Variants in CACUL1 observed in about 807,000 individuals in gnomAD.
CACUL1 encodes CDK2-associated and cullin domain-containing protein 1.
In CACUL1, 13 loss-of-function variants were observed where a neutral mutation model predicts 45.2. The observed-to-expected ratio is 0.29, with a 90% CI of 0.19 to 0.46. CACUL1 has a LOEUF of 0.46. Among genes scored for constraint, CACUL1 ranks in the 20% least tolerant of loss-of-function variants. The pLI, the probability that CACUL1 is intolerant of heterozygous loss-of-function variation, is 1.00. For synonymous variants in CACUL1, 197 were observed against 174.2 expected, an observed-to-expected ratio of 1.13 and a Z score of -1.03; for missense variants, 421 against 471.4, an observed-to-expected ratio of 0.89 and a Z score of 0.99.
intron 3 of CACUL1, among the ~76,000 whole-genome samples, chr10:118,722,080 C>CTTTTTTTTTTT (rs11358147): frequency 2.1e-5 from 3 of 140,518 alleles, no homozygotes; most frequent in Non-Finnish European, 1.5e-5. Context: ...CAGAAACAAA[C>CTTTTTTTTTTT]TTTTTTTTTT....
At chr10:118,732,682 T>C (rs1370388828) in intron 1 of CACUL1, among the ~76,000 whole-genome samples, 3 of 152,058 alleles carry the variant, frequency 2.0e-5, no homozygotes, top group Admixed American at 6.6e-5. Context: ...GGTACTAAGC[T>C]CCAGCTGCCT....
intron 4 of CACUL1, among the ~76,000 whole-genome samples, chr10:118,704,855 C>A (rs562183233): frequency 1.3e-5 from 2 of 152,340 alleles, no homozygotes; most frequent in African/African-American, 4.8e-5. Flanking sequence ...ATGTTCAGCA[C>A]ATCCTCATTC....
At chr10:118,737,689 TAAA>T (rs60182117) in intron 1 of CACUL1, among the ~76,000 whole-genome samples, 8 of 141,374 alleles carry the variant, frequency 5.7e-5, no homozygotes, top group Non-Finnish European at 9.2e-5. Flanking sequence ...ACTACTATCT[TAAA>T]AAAAAAAAAA....
At chr10:118,736,797 G>A (rs572935428) in intron 1 of CACUL1, among the ~76,000 whole-genome samples, 2 of 152,010 alleles carry the variant, frequency 1.3e-5, no homozygotes, top group African/African-American at 2.4e-5. Flanking sequence ...CCCTATACAC[G>A]CATACCATTT....
In CACUL1 at chr10:118,754,645, G is replaced by A; in HGVS notation, c.118C>T (p.Pro40Ser). The change falls in exon 1 of 9, where the codon CCG becomes TCG. Residue 40 changes from proline (P) to serine (S), a missense_variant. Physicochemically the swap from Pro to Ser is moderately conservative, Grantham distance 74. Around this residue, in one of 2 missense-constraint regions of CACUL1, gnomAD observed 213 missense variants for 173.1 expected, o/e 1.23. Coordinates refer to ENST00000369151, the MANE Select transcript of CACUL1 (RefSeq NM_153810.5). ...GGGGCCGGGATCGACGAGGGGGGCG[G>A]CGGAGGTGGCAGGGGCTGCCGGAAG... ...DGFRQPLPPP[P>S]PPSSIPAPAR... 6.2e-7 allele frequency: 1 copy of A among 1,606,096 alleles called. No homozygotes were observed. The highest frequency in any genetic ancestry group is 8.5e-7 in the Non-Finnish European group (1 of 1,177,118).
At chr10:118,716,534 G>C (rs886689822) in intron 3 of CACUL1, among the ~76,000 whole-genome samples, 1 of 151,720 alleles carries the variant, frequency 6.6e-6, no homozygotes, top group African/African-American at 2.4e-5. Flanking sequence ...AGGTCTGCAC[G>C]GATACTTCTA....
chr10:118,690,768 G>A (rs541619853), intron 7 of CACUL1, among the ~76,000 whole-genome samples: 4 of 152,282 alleles, frequency 2.6e-5, no homozygotes, highest in Middle Eastern at 3.4e-3. Context: ...TGTATGGGCC[G>A]GGCATGGTGG....
chr10:118,696,978 TCAAATTTG>T (rs1393443050), intron 5 of CACUL1, among the ~76,000 whole-genome samples: 27 of 146,332 alleles, frequency 1.8e-4, no homozygotes, highest in Admixed American at 1.4e-3. Flanking sequence ...ATCCCCTATG[TCAAATTTG>T]ATAAAGAAAT....
chr10:118,733,391 G>C (rs944577714), intron 1 of CACUL1, among the ~76,000 whole-genome samples: 10 of 151,484 alleles, frequency 6.6e-5, no homozygotes, highest in Admixed American at 4.6e-4. Context: ...ATACATCTAT[G>C]TTACCTGAAT....
At chr10:118,739,963 G>A (rs1033715344) in intron 1 of CACUL1, among the ~76,000 whole-genome samples, 1 of 152,148 alleles carries the variant, frequency 6.6e-6, no homozygotes, top group Non-Finnish European at 1.5e-5. Flanking sequence ...TGGCCAACAT[G>A]GTGAAACCCC....
intron 1 of CACUL1, among the ~76,000 whole-genome samples, chr10:118,743,646 T>C (rs1286074697): frequency 1.3e-4 from 20 of 152,008 alleles, no homozygotes; most frequent in Admixed American, 1.3e-3. Context: ...GGAGAATCAC[T>C]TGAACCCGGG....
intron 1 of CACUL1, among the ~76,000 whole-genome samples, chr10:118,733,003 TG>T (rs1055798976): frequency 3.9e-5 from 6 of 152,120 alleles, no homozygotes; most frequent in African/African-American, 1.4e-4. Context: ...AAAAGAAAAC[TG>T]CAAGTAGTAA....
At chr10:118,716,341 C>CGTTT (rs971122077) in intron 3 of CACUL1, among the ~76,000 whole-genome samples, 6 of 145,746 alleles carry the variant, frequency 4.1e-5, no homozygotes, top group African/African-American at 1.3e-4. Flanking sequence ...GTGTCTGTTT[C>CGTTT]TAAACAAATA....
At chr10:118,702,283 G>A (rs1196420739) in intron 4 of CACUL1, among the ~76,000 whole-genome samples, 1 of 152,092 alleles carries the variant, frequency 6.6e-6, no homozygotes, top group Admixed American at 6.6e-5. Flanking sequence ...CCTGCACCCA[G>A]GTGATTAAAA....
intron 3 of CACUL1, among the ~76,000 whole-genome samples, chr10:118,718,950 A>G (rs1283031977): frequency 6.6e-6 from 1 of 152,252 alleles, no homozygotes; most frequent in Non-Finnish European, 1.5e-5. Context: ...CCAACATTCA[A>G]TAAAAAACTA....
At chr10:118,705,060 G>A (rs1295923602) in intron 4 of CACUL1, among the ~76,000 whole-genome samples, 1 of 152,184 alleles carries the variant, frequency 6.6e-6, no homozygotes, top group Non-Finnish European at 1.5e-5. Context: ...TCTGATAGTT[G>A]AAATTCAGAG....
At chr10:118,707,626 C>G (rs1472029102) in intron 3 of CACUL1, 39 bp from the exon 4 acceptor site, 1 of 907,446 alleles carries the variant, frequency 1.1e-6, no homozygotes. Flanking sequence ...TCTGGGAAAC[C>G]AGGGAAAGAC....
chr10:118,702,132 C>T (rs906187049), intron 4 of CACUL1, among the ~76,000 whole-genome samples: 2 of 152,128 alleles, frequency 1.3e-5, no homozygotes, highest in Non-Finnish European at 2.9e-5. Flanking sequence ...AAGCTCCCTG[C>T]GGAGCTCCTG....
intron 5 of CACUL1, 55 bp downstream of exon 5, chr10:118,701,251 A>G (rs1222526184): frequency 5.9e-6 from 6 of 1,015,086 alleles, no homozygotes; most frequent in Non-Finnish European, 8.6e-6. Context: ...AAAAAAAAAG[A>G]AAAAGGAAAG....
Sources: allele counts gnomAD v4.1 joint callset (sites outside exome capture counted in the v4.1 genomes callset), GRCh38; gene constraint gnomAD v4.1.1; regional missense constraint gnomAD v4.1.1; transcripts MANE v1.5; gene names NCBI Gene and HGNC (gene_info 2026-07-23, HGNC 2026-07-21).